The following CACNA1B variants were observed in gnomAD, a reference collection of about 807,000 sequenced individuals.
CACNA1B encodes voltage-dependent N-type calcium channel subunit alpha-1B.
A neutral mutation model predicts 247.2 loss-of-function variants in CACNA1B; 70 were observed. The ratio of observed to expected loss-of-function variants is 0.28; its 90% CI spans 0.23 to 0.35. CACNA1B has a LOEUF of 0.35. CACNA1B is among the 10% of genes least tolerant of loss of function. The pLI is 1.00. For missense variants in CACNA1B, 2,367 were observed against 3,197.4 expected, an observed-to-expected ratio of 0.74 and a Z score of 6.26; for synonymous variants, 1,231 against 1,294.4, an observed-to-expected ratio of 0.95 and a Z score of 1.05.
Position 138,118,089 on chromosome 9 carries a change from C to T in CACNA1B, c.5913+8C>T. ...GGGCGGTCAGGAGCACTGGTGAGCA[C>T]TCCCGGGGGCTAGTGAGACTGGGTT... On this transcript the variant is annotated splice_region_variant and intron_variant, in intron 43 of 46. Coordinates refer to ENST00000371372, the MANE Select transcript of CACNA1B (RefSeq NM_000718.4). 6.5e-7 allele frequency: 1 copy of T among 1,533,756 alleles called. No individual in the cohort carries two copies. The highest frequency in any genetic ancestry group is 8.8e-7 in the Non-Finnish European group (1 of 1,137,642).
At position 138,052,453 on chromosome 9, in the gene CACNA1B, G is replaced by A. The variant is rs968781283; in HGVS notation, c.3807+265G>A. Among the ~76,000 whole-genome samples the A allele has an allele frequency of 4.6e-5, 7 of 152,142 alleles. No individual in the cohort carries two copies. The highest frequency in any genetic ancestry group is 2.6e-4 in the Admixed American group (4 of 15,274). ...TTCTTCAGCAGCTGCAGTGCAGTGCGGGAAAGGCTGCCGGGACAGGTGCAG... is the reference window on the plus strand; with the variant it reads ...TTCTTCAGCAGCTGCAGTGCAGTGCAGGAAAGGCTGCCGGGACAGGTGCAG... On this transcript the variant is annotated intron_variant, in intron 25 of 46. Transcript: ENST00000371372. This position sits in a 1 kb window ranked among gnomAD's most constrained non-coding sequence, Gnocchi z 5.1.
chr9:138,099,756 C>T (rs112661999), intron 37 of CACNA1B, among the ~76,000 whole-genome samples: 1 of 152,172 alleles, frequency 6.6e-6, no homozygotes, highest in African/African-American at 2.4e-5. Flanking sequence ...GTGCCTGTGT[C>T]GGTGGATTCT....
intron 6 of CACNA1B, among the ~76,000 whole-genome samples, chr9:137,928,615 T>C (rs1208163460): frequency 6.6e-6 from 1 of 152,196 alleles, no homozygotes; most frequent in East Asian, 1.9e-4. Context: ...TAAATAACAC[T>C]TTTGCTGCAA....
At chr9:137,924,525 C>G (rs1026674326) in intron 6 of CACNA1B, among the ~76,000 whole-genome samples, 1 of 152,152 alleles carries the variant, frequency 6.6e-6, no homozygotes, top group African/African-American at 2.4e-5. Context: ...ACGTGTCTTT[C>G]TCTCTGCCAA....
intron 32 of CACNA1B, among the ~76,000 whole-genome samples, chr9:138,070,882 A>G (rs1308853558): frequency 6.6e-6 from 1 of 152,268 alleles, no homozygotes; most frequent in East Asian, 1.9e-4. Context: ...AGGGAGCCAC[A>G]GAGCAGTTTT....
intron 20 of CACNA1B, among the ~76,000 whole-genome samples, chr9:138,039,290 A>G (rs1181931337): frequency 6.6e-6 from 1 of 151,188 alleles, no homozygotes; most frequent in East Asian, 1.9e-4. Context: ...TTTTAATCTC[A>G]CTTTTGTATT....
At position 138,023,646 on chromosome 9, in the gene CACNA1B, A is replaced by C; in HGVS notation, c.2903A>C (p.Glu968Ala). The change falls in exon 19 of 47, where the codon GAG becomes GCG. Residue 968 changes from glutamate to alanine, a missense_variant. Physicochemically the swap from Glu to Ala is moderately radical, Grantham distance 107. Around this residue, in one of 12 missense-constraint regions of CACNA1B, gnomAD observed 631 missense variants for 631.1 expected, o/e 1.00. Transcript: ENST00000371372. ...GGCGGCCCCCGAGCGGGGCCCCGGGAGGCGGAGAGCGGGGAGGAGCCGGCG... is the reference window on the plus strand; with the variant it reads ...GGCGGCCCCCGAGCGGGGCCCCGGGCGGCGGAGAGCGGGGAGGAGCCGGCG... Reference protein sequence around the residue: ...HRGGPRAGPREAESGEEPARR... With the variant: ...HRGGPRAGPRAAESGEEPARR... The C allele has an allele frequency of 7.1e-7, 1 of 1,414,046 alleles. No homozygotes were observed. 87.6% of individuals were successfully genotyped at this position (1,414,046 alleles called of 1,614,324 possible).
intron 10 of CACNA1B, among the ~76,000 whole-genome samples, chr9:137,960,494 G>T (rs891316059): frequency 3.4e-5 from 5 of 147,646 alleles, no homozygotes; most frequent in Non-Finnish European, 6.0e-5. Context: ...GATGCGAGAC[G>T]CCGCCAGGGA....
rs961414616 is a variant in CACNA1B, at chr9:138,057,520, C to G, written c.3969-212C>G. On this transcript the variant is annotated intron_variant, in intron 26 of 46. Transcript: ENST00000371372. The surrounding 1 kb of genome is among the most constrained non-coding windows in gnomAD (Gnocchi z 4.0). ...AGTGTTTTATAGTTTTAGCTCCTTACACTTAGGTCTGGAATCCATCATGAG... is the reference window on the plus strand; with the variant it reads ...AGTGTTTTATAGTTTTAGCTCCTTAGACTTAGGTCTGGAATCCATCATGAG... 5.3e-5 allele frequency among the ~76,000 whole-genome samples: 8 copies of G among 152,172 alleles called. No individual in the cohort carries two copies. The highest frequency in any genetic ancestry group is 1.9e-4 in the African/African-American group (8 of 41,442).
chr9:137,913,333 C>T lies in CACNA1B; in HGVS notation c.622+62C>T. The T allele has an allele frequency of 7.9e-7, 1 of 1,272,498 alleles. No homozygotes were observed. The highest frequency in any genetic ancestry group is 1.1e-6 in the Non-Finnish European group (1 of 878,362). The allele number at this position is 1,272,498 out of a possible 1,614,324, so 78.8% of individuals were successfully genotyped here. A position where few individuals can be genotyped will look rare whatever the true frequency, so the allele number is the denominator to read the frequency against. On this transcript the variant is annotated intron_variant, in intron 4 of 46. Coordinates refer to ENST00000371372, the MANE Select transcript of CACNA1B (RefSeq NM_000718.4). This position sits in a 1 kb window ranked among gnomAD's most constrained non-coding sequence, Gnocchi z 5.2. ...GTAACAACCTCCTCTCCTACCCTCA[C>T]CACGGACATGGCCATGGCCATGGTT...
rs1391147085 is a variant in CACNA1B at position 138,105,695 on chromosome 9, CT to C, written c.5320-3del. The C allele has an allele frequency of 3.8e-5, 59 of 1,534,926 alleles. No homozygotes were observed. In the Middle Eastern group the frequency reaches 5.0e-4, roughly 13 times the overall value. ...TGGCCCTGACCGGCCCTGCTTGTCCCTAGCGCCTGGTTCGCATGAACATGCC... is the reference window on the plus strand; with the variant it reads ...TGGCCCTGACCGGCCCTGCTTGTCCCAGCGCCTGGTTCGCATGAACATGCC... On this transcript the variant is annotated splice_polypyrimidine_tract_variant and splice_region_variant and intron_variant, in intron 38 of 46. Coordinates refer to ENST00000371372, the MANE Select transcript of CACNA1B (RefSeq NM_000718.4).
chr9:137,931,343 G>A (rs566883733), intron 6 of CACNA1B, among the ~76,000 whole-genome samples: 5 of 152,130 alleles, frequency 3.3e-5, no homozygotes, highest in African/African-American at 7.2e-5. Context: ...TGAAGACCAG[G>A]CCCTCTACCA....
rs1958178420 is a variant in CACNA1B at position 137,973,284 on chromosome 9, G to A, written c.1543+1692G>A. Among the ~76,000 whole-genome samples, 2 of 152,184 alleles carry A rather than the reference G, an allele frequency of 1.3e-5. No homozygotes were observed. The highest frequency in any genetic ancestry group is 1.3e-4 in the Admixed American group (2 of 15,290). On this transcript the variant is annotated intron_variant, in intron 11 of 46. Transcript: ENST00000371372. The surrounding 1 kb of genome is among the most constrained non-coding windows in gnomAD (Gnocchi z 4.1). ...GAGGGAAAAATGGCTGGAGGGAAAT[G>A]TGGGCAGTGTCCCTGACAGCCGGGC...
chr9:138,049,172 G>C (rs199914447), intron 23 of CACNA1B, 37 bp from the exon 24 acceptor site: 9 of 1,360,192 alleles, frequency 6.6e-6, no homozygotes, highest in Non-Finnish European at 7.4e-6. Flanking sequence ...GTCTTTTCTG[G>C]ACTATGACGT....
In CACNA1B at chr9:138,020,098, CAAAAA is replaced by C. The variant is rs4066675; in HGVS notation, c.2268-2896_2268-2892del. On this transcript the variant is annotated intron_variant, in intron 18 of 46. Transcript: ENST00000371372. The surrounding 1 kb of genome is among the most constrained non-coding windows in gnomAD (Gnocchi z 4.1). The stretch of plus-strand genomic sequence containing the variant: ...GGCGACACAGCGAGACTCTGTCTCC[CAAAAA>C]AAAAAAAAAAAAAAAATGCAGATGG... 2.4e-5 allele frequency among the ~76,000 whole-genome samples: 2 copies of C among 83,816 alleles called. No individual in the cohort carries two copies. The allele number at this position is 83,816 out of a possible 152,430, so 55.0% of individuals were successfully genotyped here.
At chr9:138,106,533 G>A (rs1166396497) in intron 39 of CACNA1B, among the ~76,000 whole-genome samples, 2 of 152,258 alleles carry the variant, frequency 1.3e-5, no homozygotes, top group Middle Eastern at 3.2e-3. Flanking sequence ...ACTTTGGGAG[G>A]CCGAGGTGGG....
rs1336611130 is a variant in CACNA1B at position 138,014,898 on chromosome 9, G to C, written c.2267+1663G>C. Among the ~76,000 whole-genome samples, 1 of 152,048 alleles carries C rather than the reference G, an allele frequency of 6.6e-6. No homozygotes were observed. Among genetic ancestry groups the C allele is most frequent in the African/African-American group, 2.4e-5 (1 of 41,400 alleles). ...CTGAGTCAGGCTGCCTGAAAAGGAG[G>C]CTGGACACTCTTCCTTATCTGCTGC... On this transcript the variant is annotated intron_variant, in intron 18 of 46. Coordinates refer to ENST00000371372, the MANE Select transcript of CACNA1B (RefSeq NM_000718.4). This position sits in a 1 kb window ranked among gnomAD's most constrained non-coding sequence, Gnocchi z 6.2.
At chr9:137,903,243 A>G (rs1382842609) in intron 3 of CACNA1B, among the ~76,000 whole-genome samples, 1 of 152,108 alleles carries the variant, frequency 6.6e-6, no homozygotes, top group Non-Finnish European at 1.5e-5. Context: ...AAAATTAGCC[A>G]GGCATGGTGG....
rs965158441 is a variant in CACNA1B, at chr9:138,122,538, C to A, written c.*539C>A. ...TCTGTCCTCCCTGGACACCGTCAGC[C>A]CCACAGGAACCGAGCTGGGAAGTGT... On this transcript the variant is annotated 3_prime_UTR_variant, in exon 47 of 47. Transcript: ENST00000371372. The A allele has an allele frequency of 3.2e-5, 5 of 155,498 alleles. No individual in the cohort carries two copies. Among genetic ancestry groups the A allele is most frequent in the African/African-American group, 1.2e-4 (5 of 41,540 alleles). The allele number at this position is 155,498 out of a possible 1,614,324, so 9.6% of individuals were successfully genotyped here.
Sources: allele counts gnomAD v4.1 joint callset (sites outside exome capture counted in the v4.1 genomes callset), GRCh38; gene constraint gnomAD v4.1.1; regional missense constraint gnomAD v4.1.1; non-coding constraint Gnocchi (gnomAD v3.1); transcripts MANE v1.5; gene names NCBI Gene and HGNC (gene_info 2026-07-23, HGNC 2026-07-21).